The following FBXW11 variants were observed in gnomAD, a reference collection of about 807,000 sequenced individuals.
The protein encoded by FBXW11 is F-box/WD repeat-containing protein 11.
In FBXW11, 19 loss-of-function variants were observed where a neutral mutation model predicts 77.6. The observed-to-expected ratio is 0.24, with a 90% CI of 0.17 to 0.36. The LOEUF is 0.36. FBXW11 is among the 10% of genes least tolerant of loss of function. The pLI, the probability that FBXW11 is intolerant of heterozygous loss-of-function variation, is 1.00. For missense variants in FBXW11, 334 were observed against 704.2 expected, an observed-to-expected ratio of 0.47 and a Z score of 5.95; for synonymous variants, 235 against 249.4, an observed-to-expected ratio of 0.94 and a Z score of 0.54.
intron 2 of FBXW11, among the ~76,000 whole-genome samples, chr5:171,948,420 C>G (rs1763133040): frequency 6.6e-6 from 1 of 150,936 alleles, no homozygotes; most frequent in Non-Finnish European, 1.5e-5. Context: ...CTTGTCCACT[C>G]TCTAAAATCT....
At chr5:171,905,592 C>T (rs75861151) in intron 4 of FBXW11, among the ~76,000 whole-genome samples, 3 of 98,984 alleles carry the variant, frequency 3.0e-5, no homozygotes, top group Admixed American at 2.0e-4. Context: ...AAAGCTAACC[C>T]CCCCCCCTTT....
intron 1 of FBXW11, among the ~76,000 whole-genome samples, chr5:171,973,395 T>C (rs765116943): frequency 6.6e-6 from 1 of 152,158 alleles, no homozygotes; most frequent in Non-Finnish European, 1.5e-5. Context: ...GTGACCTAAG[T>C]CTGGATCCTG....
In FBXW11 at chr5:171,921,277, G is replaced by T. The variant is rs530967452; in HGVS notation, c.148-6872C>A. ...GATATATGTTTAACATAGGAGCCAC[G>T]AACTGACACAGAATATATTTCAATT... On this transcript the variant is annotated intron_variant, in intron 2 of 13. Coordinates refer to ENST00000517395, the MANE Select transcript of FBXW11 (RefSeq NM_001378974.1). Among the ~76,000 whole-genome samples the T allele has an allele frequency of 3.3e-5, 5 of 152,266 alleles. No individual in the cohort carries two copies. In the South Asian group the frequency reaches 1.0e-3, roughly 32 times the overall value.
chr5:171,940,241 T>A (rs1762680541), intron 2 of FBXW11, among the ~76,000 whole-genome samples: 1 of 152,096 alleles, frequency 6.6e-6, no homozygotes, highest in East Asian at 1.9e-4. Context: ...ATGAAAAGGG[T>A]TTCCTTCTGG....
intron 1 of FBXW11, among the ~76,000 whole-genome samples, chr5:171,998,007 G>C (rs561696899): frequency 2.6e-4 from 40 of 152,244 alleles, no homozygotes; most frequent in African/African-American, 9.6e-4. Flanking sequence ...AAAAAGATGA[G>C]CAGAAAGAAG....
In FBXW11 at chr5:171,876,593, G is replaced by A. The variant is rs1758099788; in HGVS notation, c.972-59C>T. 4 of 1,587,472 alleles carry A rather than the reference G, an allele frequency of 2.5e-6. No homozygotes were observed. The Admixed American group carries it at 6.7e-5, about 27-fold the overall frequency. On this transcript the variant is annotated intron_variant, in intron 8 of 13. Transcript: ENST00000517395. This position sits in a 1 kb window ranked among gnomAD's most constrained non-coding sequence, Gnocchi z 4.2. ...ATGGAGACAGCCAGGAAATGATTCT[G>A]GTATCTGAGCTCTGTCTGGGTCTGC...
chr5:171,899,122 C>T (rs780979966), intron 5 of FBXW11, 28 bp from the exon 6 acceptor site: 2 of 1,469,732 alleles, frequency 1.4e-6, no homozygotes, highest in South Asian at 2.4e-5. Flanking sequence ...ACAGATGTTA[C>T]ATTTTTGCAC....
intron 2 of FBXW11, among the ~76,000 whole-genome samples, chr5:171,936,109 TAAAAAAAAAAA>T (rs61349170): frequency 1.7e-5 from 1 of 59,344 alleles, no homozygotes; most frequent in East Asian, 4.5e-4. Flanking sequence ...AGACTCCATC[TAAAAAAAAAAA>T]AAAAAAAAAA....
intron 2 of FBXW11, among the ~76,000 whole-genome samples, chr5:171,928,079 G>A (rs557358375): frequency 1.3e-5 from 2 of 152,196 alleles, no homozygotes; most frequent in East Asian, 1.9e-4. Context: ...TACAAGAAAC[G>A]TTAAAGTTCT....
intron 1 of FBXW11, among the ~76,000 whole-genome samples, chr5:172,005,947 C>T (rs562072765): frequency 3.7e-4 from 56 of 152,294 alleles, no homozygotes; most frequent in African/African-American, 1.3e-3. Flanking sequence ...AGGGCCTATC[C>T]TGGCATCCAC....
At chr5:171,967,855 C>CAT (rs375683631) in intron 1 of FBXW11, among the ~76,000 whole-genome samples, 2,940 of 118,106 alleles carry the variant, frequency 0.025, 74 homozygotes, top group African/African-American at 0.055. Context: ...AAAAAAAATG[C>CAT]ATATATATAT....
At chr5:171,947,995 G>A (rs1241748613) in intron 2 of FBXW11, among the ~76,000 whole-genome samples, 1 of 152,026 alleles carries the variant, frequency 6.6e-6, no homozygotes, top group Non-Finnish European at 1.5e-5. Context: ...CAGCACTTTG[G>A]GAGGCCAAGG....
intron 5 of FBXW11, among the ~76,000 whole-genome samples, chr5:171,899,314 T>C (rs1759957762): frequency 6.6e-6 from 1 of 152,216 alleles, no homozygotes. Flanking sequence ...TGAGTACTAA[T>C]ATGTAACAAT....
intron 2 of FBXW11, among the ~76,000 whole-genome samples, chr5:171,950,701 C>T (rs1311508835): frequency 1.3e-5 from 2 of 152,030 alleles, no homozygotes; most frequent in African/African-American, 2.4e-5. Flanking sequence ...GCCTGGCCAA[C>T]GTGGCAAAAT....
chr5:171,929,871 A>T (rs545687440), intron 2 of FBXW11, among the ~76,000 whole-genome samples: 121 of 152,268 alleles, frequency 7.9e-4, no homozygotes, highest in Non-Finnish European at 1.4e-3. Context: ...ACATAAAAAT[A>T]AAAATTAAAA....
intron 1 of FBXW11, among the ~76,000 whole-genome samples, chr5:171,994,858 C>T (rs191594850): frequency 7.4e-4 from 112 of 151,996 alleles, no homozygotes; most frequent in Admixed American, 1.8e-3. Flanking sequence ...GCCAACATGG[C>T]GAAACCCCAT....
At position 171,998,336 on chromosome 5, in the gene FBXW11, C is replaced by CTTTTTTTTTTTTTTTTTTTTTTTTTT. The variant is rs778327855; in HGVS notation, c.45+8121_45+8122insAAAAAAAAAAAAAAAAAAAAAAAAAA. Among the ~76,000 whole-genome samples the CTTTTTTTTTTTTTTTTTTTTTTTTTT allele has an allele frequency of 1.3e-4, 15 of 114,826 alleles. 2 individuals carry two copies. The highest frequency in any genetic ancestry group is 5.8e-4 in the African/African-American group (14 of 24,028). 75.3% of individuals were successfully genotyped at this position (114,826 alleles called of 152,430 possible). The stretch of plus-strand genomic sequence containing the variant: ...ACAGCCCATGATATTTTTTTCTTGT[C>CTTTTTTTTTTTTTTTTTTTTTTTTTT]TTTTTTTTTTTTTTTTTAAGTAGAG... On this transcript the variant is annotated intron_variant, in intron 1 of 13. Transcript: ENST00000517395.
intron 2 of FBXW11, among the ~76,000 whole-genome samples, chr5:171,951,044 A>G (rs1286709823): frequency 6.6e-6 from 1 of 152,176 alleles, no homozygotes; most frequent in African/African-American, 2.4e-5. Flanking sequence ...AGGGATTAGA[A>G]GGGAGAGATT....
chr5:171,997,195 C>T (rs1451972744), intron 1 of FBXW11: 4 of 506,794 alleles, frequency 7.9e-6, no homozygotes, highest in African/African-American at 6.0e-5. Context: ...AGCTATTTGG[C>T]ATAAAATGCC....
Sources: gnomAD v4.1 joint callset for allele counts (sites outside exome capture counted in the v4.1 genomes callset) on GRCh38, gnomAD v4.1.1 for gene constraint, Gnocchi (gnomAD v3.1) non-coding constraint, MANE v1.5 for transcripts, NCBI Gene and HGNC (gene_info 2026-07-23, HGNC 2026-07-21) for gene names.